Variants in STARD13 observed in about 807,000 individuals in gnomAD.
The protein encoded by STARD13 is StAR related lipid transfer domain containing 13, also known as stAR-related lipid transfer protein 13.
Under a neutral mutation model 106.4 loss-of-function variants are expected in STARD13, and 62 were observed. That is an observed-to-expected ratio of 0.58 (90% confidence interval 0.48 to 0.72). The LOEUF is 0.72. Ranked by LOEUF, STARD13 falls within the 30% of genes least tolerant of loss-of-function variation. STARD13 has a pLI of 0.00. For missense variants in STARD13, 1,387 were observed against 1,424.0 expected, an observed-to-expected ratio of 0.97 and a Z score of 0.42; for synonymous variants, 565 against 553.0, an observed-to-expected ratio of 1.02 and a Z score of -0.31.
chr13:33,422,049 CT>C, the STARD13 span, among the ~76,000 whole-genome samples: 1 of 152,152 alleles, frequency 6.6e-6, no homozygotes, highest in Non-Finnish European at 1.5e-5. Flanking sequence ...ACAAGGATGC[CT>C]TCTTTCACCA....
chr13:33,338,824 G>A (rs1013911129), intron 1 of STARD13, among the ~76,000 whole-genome samples: 11 of 150,070 alleles, frequency 7.3e-5, no homozygotes, highest in African/African-American at 2.5e-4. Context: ...GGCAGAGCTT[G>A]CAGTGAGCTG....
the STARD13 span, among the ~76,000 whole-genome samples, chr13:33,453,103 G>T: frequency 4.6e-5 from 7 of 152,180 alleles, no homozygotes; most frequent in Non-Finnish European, 7.4e-5. Flanking sequence ...AGGCATATTT[G>T]CCTTGGCCTT....
At chr13:33,110,148 TTTTG>T in intron 11 of STARD13, 58 bp from the exon 12 acceptor site, 1 of 1,526,938 alleles carries the variant, frequency 6.5e-7, no homozygotes, top group Non-Finnish European at 9.0e-7. Flanking sequence ...GTCCAACATT[TTTTG>T]TTTGGGCTTT....
At chr13:33,308,499 T>C (rs1173912301) in intron 1 of STARD13, among the ~76,000 whole-genome samples, 1 of 142,738 alleles carries the variant, frequency 7.0e-6, no homozygotes, top group African/African-American at 2.7e-5. Flanking sequence ...TTTTCTTCCT[T>C]TTTTCTTTTT....
At chr13:33,336,286 CTT>C (rs983723070) in intron 1 of STARD13, 63 of 152,288 alleles carry the variant, frequency 4.1e-4, no homozygotes, top group African/African-American at 1.4e-3. Flanking sequence ...TGTTATAACT[CTT>C]TGATAAAGCT....
the STARD13 span, among the ~76,000 whole-genome samples, chr13:33,492,129 T>C: frequency 6.6e-6 from 1 of 152,148 alleles, no homozygotes; most frequent in Non-Finnish European, 1.5e-5. Flanking sequence ...CAAGGTAATG[T>C]CATCAGTTAA....
intron 12 of STARD13, among the ~76,000 whole-genome samples, chr13:33,108,950 T>A (rs548207209): frequency 6.6e-6 from 1 of 152,278 alleles, no homozygotes; most frequent in East Asian, 1.9e-4. Context: ...TAAATACATA[T>A]ATTTAGGGAA....
chr13:33,274,328 AC>A (rs575309245), intron 1 of STARD13, among the ~76,000 whole-genome samples: 82 of 152,280 alleles, frequency 5.4e-4, no homozygotes, highest in African/African-American at 1.9e-3. Context: ...TAAGACACAG[AC>A]ACACACAGAA....
At chr13:33,584,316 C>G in the STARD13 span, among the ~76,000 whole-genome samples, 3 of 152,050 alleles carry the variant, frequency 2.0e-5, no homozygotes, top group Non-Finnish European at 4.4e-5. Context: ...TCTGGGGAGG[C>G]CTCAGGAAAT....
chr13:33,425,989 G>C, the STARD13 span, among the ~76,000 whole-genome samples: 3 of 152,132 alleles, frequency 2.0e-5, no homozygotes, highest in African/African-American at 7.2e-5. Context: ...TGTTGACTCT[G>C]ATAGTCTGTG....
intron 1 of STARD13, among the ~76,000 whole-genome samples, chr13:33,278,840 C>T (rs373184715): frequency 5.5e-4 from 83 of 152,072 alleles, no homozygotes; most frequent in African/African-American, 1.9e-3. Context: ...CATTAATTGG[C>T]CAACATTTCT....
intron 1 of STARD13, among the ~76,000 whole-genome samples, chr13:33,200,899 G>A (rs1002419369): frequency 2.4e-4 from 37 of 152,026 alleles, no homozygotes; most frequent in Admixed American, 3.9e-4. Flanking sequence ...GGTGGCAGGC[G>A]CCTGTGGTCC....
the STARD13 span, among the ~76,000 whole-genome samples, chr13:33,477,455 C>T: frequency 1.9e-3 from 284 of 152,356 alleles, no homozygotes; most frequent in Non-Finnish European, 2.1e-3. Flanking sequence ...TTGATGCTGA[C>T]TCTGGCAAAT....
chr13:33,236,308 C>A (rs984309014), intron 1 of STARD13, among the ~76,000 whole-genome samples: 2 of 152,156 alleles, frequency 1.3e-5, no homozygotes, highest in Admixed American at 1.3e-4. Flanking sequence ...GACTTGGTAG[C>A]AAGCAGGACC....
chr13:33,205,347 T>C (rs1179437732), intron 1 of STARD13, among the ~76,000 whole-genome samples: 2 of 152,170 alleles, frequency 1.3e-5, no homozygotes, highest in African/African-American at 2.4e-5. Context: ...TCGTAGGAAG[T>C]CCAGGTCATA....
chr13:33,463,725 A>G, the STARD13 span, among the ~76,000 whole-genome samples: 3 of 152,110 alleles, frequency 2.0e-5, no homozygotes, highest in Admixed American at 6.6e-5. Flanking sequence ...GTCAAAATAT[A>G]TGCATAGGCT....
the STARD13 span, among the ~76,000 whole-genome samples, chr13:33,601,639 C>T: frequency 1.3e-5 from 2 of 152,162 alleles, no homozygotes; most frequent in South Asian, 2.1e-4. Context: ...AGTGACTTGC[C>T]CAAAGTTACC....
At chr13:33,296,380 A>G (rs1439209456) in intron 1 of STARD13, among the ~76,000 whole-genome samples, 6 of 152,176 alleles carry the variant, frequency 3.9e-5, no homozygotes, top group Non-Finnish European at 8.8e-5. Flanking sequence ...TTATCAGTCA[A>G]TTAAATATTT....
intron 1 of STARD13, among the ~76,000 whole-genome samples, chr13:33,232,653 G>C (rs1036844569): frequency 3.3e-5 from 5 of 152,162 alleles, no homozygotes; most frequent in Non-Finnish European, 2.9e-5. Flanking sequence ...CAGCCCAATT[G>C]TCCCATAGAA....
Sources: allele counts gnomAD v4.1 joint callset (sites outside exome capture counted in the v4.1 genomes callset), GRCh38; gene constraint gnomAD v4.1.1; transcripts MANE v1.5; gene names NCBI Gene and HGNC (gene_info 2026-07-23, HGNC 2026-07-21).